The following RBPJ variants were observed in gnomAD, a reference collection of about 807,000 sequenced individuals.
RBPJ encodes the protein recombination signal binding protein for immunoglobulin kappa J region, also known as recombining binding protein suppressor of hairless.
Under a neutral mutation model 67.8 loss-of-function variants are expected in RBPJ, and 9 were observed. The ratio of observed to expected loss-of-function variants is 0.13; its 90% CI spans 0.08 to 0.23. The LOEUF is 0.23. Among genes scored for constraint, RBPJ ranks in the 10% least tolerant of loss-of-function variants. RBPJ has a pLI of 1.00. For missense variants in RBPJ, 305 were observed against 595.6 expected, an observed-to-expected ratio of 0.51 and a Z score of 5.08; for synonymous variants, 198 against 203.3, an observed-to-expected ratio of 0.97 and a Z score of 0.22.
At chr4:26,421,980 T>G (rs1735183551) in intron 5 of RBPJ, among the ~76,000 whole-genome samples, 1 of 152,184 alleles carries the variant, frequency 6.6e-6, no homozygotes, top group African/African-American at 2.4e-5. Context: ...CTGTAATAGT[T>G]TCTTCTCACC....
intron 1 of RBPJ, chr4:26,343,072 C>T (rs1725712834): frequency 6.6e-6 from 1 of 152,166 alleles, no homozygotes; most frequent in African/African-American, 2.4e-5. Flanking sequence ...TGAGTTTCTA[C>T]AATGATGAGC....
intron 1 of RBPJ, among the ~76,000 whole-genome samples, chr4:26,365,042 A>C (rs898147004): frequency 4.0e-5 from 6 of 151,558 alleles, no homozygotes; most frequent in Non-Finnish European, 8.8e-5. Flanking sequence ...AGAAACCCAT[A>C]AATTTATATA....
intron 7 of RBPJ, among the ~76,000 whole-genome samples, chr4:26,425,806 T>A (rs1335525230): frequency 2.0e-5 from 3 of 152,284 alleles, no homozygotes; most frequent in Middle Eastern, 3.4e-3. Flanking sequence ...GTTGGGTGAG[T>A]AGAAGAACAT....
At chr4:26,138,237 C>T in the RBPJ span, among the ~76,000 whole-genome samples, 1 of 152,166 alleles carries the variant, frequency 6.6e-6, no homozygotes, top group Non-Finnish European at 1.5e-5. Flanking sequence ...CATTTTGGCT[C>T]ATGCAAATAA....
chr4:26,256,218 C>T (rs1720339261), intron 1 of RBPJ, among the ~76,000 whole-genome samples: 1 of 151,962 alleles, frequency 6.6e-6, no homozygotes, highest in East Asian at 1.9e-4. Flanking sequence ...GAAACACACC[C>T]TCCTCTGCCA....
intron 1 of RBPJ, among the ~76,000 whole-genome samples, chr4:26,308,425 C>T (rs560520640): frequency 6.6e-6 from 1 of 152,256 alleles, no homozygotes; most frequent in South Asian, 2.1e-4. Flanking sequence ...CCTTAAGAGA[C>T]TTTTTTCTTG....
rs371498894 is a variant in RBPJ at position 26,388,008 on chromosome 4, TA to T, written c.59+1618del. ...GCTCAAGAATACAGGAATAGAAAAA[TA>T]TCCAGCACTCCCTCAGAAAGGCAAA... On this transcript the variant is annotated intron_variant, in intron 2 of 10. Transcript: ENST00000355476. Among the ~76,000 whole-genome samples the T allele has an allele frequency of 7.2e-5, 11 of 152,096 alleles. 1 individual carries two copies. Among genetic ancestry groups the T allele is most frequent in the African/African-American group, 2.7e-4 (11 of 41,494 alleles).
intron 1 of RBPJ, among the ~76,000 whole-genome samples, chr4:26,237,167 A>G (rs1719478856): frequency 6.6e-6 from 1 of 152,178 alleles, no homozygotes; most frequent in African/African-American, 2.4e-5. Context: ...GAACCTTATC[A>G]CTACCTGATC....
At chr4:26,423,687 G>A (rs1343404261) in intron 5 of RBPJ, among the ~76,000 whole-genome samples, 1 of 152,164 alleles carries the variant, frequency 6.6e-6, no homozygotes, top group Non-Finnish European at 1.5e-5. Context: ...TTAGTTTCTT[G>A]ATGGCAGAGA....
At chr4:26,244,413 A>ACG (rs1491169780) in intron 1 of RBPJ, among the ~76,000 whole-genome samples, 169 of 2,750 alleles carry the variant, frequency 0.061, 4 homozygotes, top group South Asian at 0.2. Flanking sequence ...ATGTGTGTAT[A>ACG]CATATGTGTG....
intron 1 of RBPJ, among the ~76,000 whole-genome samples, chr4:26,312,546 G>A (rs1002176591): frequency 6.6e-5 from 10 of 152,134 alleles, no homozygotes; most frequent in South Asian, 2.1e-4. Context: ...GAGCCTGAAC[G>A]TGCTGTTTCC....
chr4:26,153,913 A>C, the RBPJ span, among the ~76,000 whole-genome samples: 6 of 151,904 alleles, frequency 3.9e-5, no homozygotes, highest in African/African-American at 4.8e-5. Flanking sequence ...GTGCCACTGC[A>C]CTCCAGCCCC....
At chr4:26,347,169 C>T (rs768058131) in intron 1 of RBPJ, among the ~76,000 whole-genome samples, 3 of 151,976 alleles carry the variant, frequency 2.0e-5, no homozygotes, top group Non-Finnish European at 4.4e-5. Context: ...CTGAACATGT[C>T]GACTTTGAGG....
chr4:26,199,246 C>T (rs1326146389), intron 1 of RBPJ, among the ~76,000 whole-genome samples: 1 of 152,148 alleles, frequency 6.6e-6, no homozygotes, highest in Non-Finnish European at 1.5e-5. Flanking sequence ...GAGATCGAGA[C>T]CATCCTGGCC....
chr4:26,377,243 C>T (rs146158906), intron 1 of RBPJ, among the ~76,000 whole-genome samples: 68 of 152,290 alleles, frequency 4.5e-4, no homozygotes, highest in African/African-American at 1.5e-3. Context: ...ATTGAAGAAA[C>T]TGAAGCACAG....
Position 26,395,941 on chromosome 4 carries a change from T to C in RBPJ, c.59+9550T>C, listed in dbSNP as rs1250183155. Among the ~76,000 whole-genome samples, 4 of 152,232 alleles carry C rather than the reference T, an allele frequency of 2.6e-5. No homozygotes were observed. In the South Asian group the frequency reaches 6.2e-4, roughly 24 times the overall value. On this transcript the variant is annotated intron_variant, in intron 2 of 10. Transcript: ENST00000355476. The stretch of plus-strand genomic sequence containing the variant: ...CTCTTAAAACAGTGTATTTTCTTTG[T>C]CTCCTCTGGATTATGGTTAAAGTTT...
intron 1 of RBPJ, among the ~76,000 whole-genome samples, chr4:26,380,705 T>C (rs529413876): frequency 6.6e-6 from 1 of 152,250 alleles, no homozygotes; most frequent in South Asian, 2.1e-4. Flanking sequence ...AAAATTTATA[T>C]ACTGTTTACA....
At chr4:26,197,315 A>T (rs542555856) in intron 1 of RBPJ, among the ~76,000 whole-genome samples, 1 of 152,290 alleles carries the variant, frequency 6.6e-6, no homozygotes, top group Non-Finnish European at 1.5e-5. Flanking sequence ...CATGTGTAAA[A>T]TGGGGATAAT....
At chr4:26,128,879 T>C in the RBPJ span, among the ~76,000 whole-genome samples, 1 of 152,220 alleles carries the variant, frequency 6.6e-6, no homozygotes, top group South Asian at 2.1e-4. Flanking sequence ...TCCCTTTTGC[T>C]TGGCTCTCAT....
Sources: gnomAD v4.1 joint callset for allele counts (sites outside exome capture counted in the v4.1 genomes callset) on GRCh38, gnomAD v4.1.1 for gene constraint, MANE v1.5 for transcripts, NCBI Gene and HGNC (gene_info 2026-07-23, HGNC 2026-07-21) for gene names.